COMMD10: variants seen among roughly 807,000 people sequenced by gnomAD.
COMMD10 encodes COMM domain containing 10.
In COMMD10, 33 loss-of-function variants were observed where a neutral mutation model predicts 28.9. The ratio of observed to expected loss-of-function variants is 1.14; its 90% CI spans 0.87 to 1.53. The LOEUF is 1.53. Ranked by LOEUF, COMMD10 falls within the 40% of genes most tolerant of loss-of-function variation. COMMD10 has a pLI of 0.00. For missense variants in COMMD10, 310 were observed against 233.4 expected (o/e 1.33, Z -2.14); for synonymous variants, 110 against 81.7 (o/e 1.35, Z -1.87).
At chr5:116,148,838 T>G (rs1216650828) in intron 5 of COMMD10, among the ~76,000 whole-genome samples, 1 of 151,704 alleles carries the variant, frequency 6.6e-6, no homozygotes, top group Non-Finnish European at 1.5e-5. Flanking sequence ...TTGTATTTGT[T>G]TTTTTGTATT....
intron 5 of COMMD10, among the ~76,000 whole-genome samples, chr5:116,168,950 G>T (rs949261450): frequency 3.9e-5 from 6 of 152,036 alleles, no homozygotes; most frequent in Admixed American, 3.9e-4. Flanking sequence ...AAATTCAAAA[G>T]CTAGCAGAAG....
At chr5:116,253,590 G>A (rs1322999416) in intron 5 of COMMD10, among the ~76,000 whole-genome samples, 3 of 137,994 alleles carry the variant, frequency 2.2e-5, no homozygotes, top group Non-Finnish European at 4.7e-5. Context: ...TTTATATGCT[G>A]GATTACATTT....
At chr5:116,269,652 C>T (rs545969852) in intron 5 of COMMD10, among the ~76,000 whole-genome samples, 1 of 151,718 alleles carries the variant, frequency 6.6e-6, no homozygotes, top group Non-Finnish European at 1.5e-5. Flanking sequence ...ACTGATTCAT[C>T]TCAAATATTT....
intron 5 of COMMD10, among the ~76,000 whole-genome samples, chr5:116,269,948 A>T (rs1177216008): frequency 1.3e-5 from 2 of 151,886 alleles, no homozygotes; most frequent in Non-Finnish European, 2.9e-5. Context: ...CCTCTGTCAC[A>T]AATTTGAAAG....
intron 5 of COMMD10, among the ~76,000 whole-genome samples, chr5:116,216,204 C>G (rs1749097156): frequency 6.6e-6 from 1 of 152,094 alleles, no homozygotes; most frequent in Non-Finnish European, 1.5e-5. Context: ...ATATTTTTAA[C>G]CATTACACAA....
At chr5:116,092,480 A>G (rs10478276) in intron 3 of COMMD10, 65 bp from the exon 4 acceptor site, 99,991 of 1,119,526 alleles carry the variant, frequency 0.089, 4,897 homozygotes, top group Admixed American at 0.16. Context: ...TTTTGTATTT[A>G]GTATAGTTTA....
At chr5:116,273,934 G>A (rs1303134707) in intron 5 of COMMD10, among the ~76,000 whole-genome samples, 5 of 151,554 alleles carry the variant, frequency 3.3e-5, no homozygotes, top group Admixed American at 1.3e-4. Flanking sequence ...TCTTAAAATT[G>A]CATTTATTTT....
chr5:116,263,559 G>A (rs1329440882), intron 5 of COMMD10, among the ~76,000 whole-genome samples: 1 of 151,560 alleles, frequency 6.6e-6, no homozygotes, highest in Non-Finnish European at 1.5e-5. Flanking sequence ...TTTTAGGTCC[G>A]ATAAGAAACA....
intron 5 of COMMD10, among the ~76,000 whole-genome samples, chr5:116,157,949 T>C (rs1260418221): frequency 1.3e-5 from 2 of 151,100 alleles, no homozygotes; most frequent in Admixed American, 1.3e-4. Context: ...CTTTTTTTTT[T>C]TTTTTAGTCA....
intron 5 of COMMD10, among the ~76,000 whole-genome samples, chr5:116,277,750 G>A (rs989844741): frequency 6.6e-6 from 1 of 151,814 alleles, no homozygotes; most frequent in Non-Finnish European, 1.5e-5. Context: ...GCACACATTG[G>A]TTCTCTTTTC....
At chr5:116,272,202 G>C (rs76887055) in intron 5 of COMMD10, among the ~76,000 whole-genome samples, 1 of 151,816 alleles carries the variant, frequency 6.6e-6, no homozygotes. Flanking sequence ...AGCCATGTCA[G>C]TGCAGTCTTT....
chr5:116,251,748 A>G (rs1580584021), intron 5 of COMMD10, among the ~76,000 whole-genome samples: 1 of 152,132 alleles, frequency 6.6e-6, no homozygotes, highest in African/African-American at 2.4e-5. Context: ...ATGCCACAAT[A>G]AACATACGTG....
At chr5:116,131,946 C>T (rs904952519) in intron 4 of COMMD10, among the ~76,000 whole-genome samples, 4 of 151,914 alleles carry the variant, frequency 2.6e-5, no homozygotes, top group African/African-American at 9.7e-5. Flanking sequence ...TGTTTTAGAA[C>T]GTAGGAGTGG....
At chr5:116,128,969 C>T (rs150473452) in intron 4 of COMMD10, among the ~76,000 whole-genome samples, 2 of 151,732 alleles carry the variant, frequency 1.3e-5, no homozygotes, top group Admixed American at 1.3e-4. Flanking sequence ...TAATTTTGAT[C>T]CCTTGGGTAA....
intron 2 of COMMD10, 127 bp downstream of exon 2, chr5:116,087,714 G>T: frequency 3.1e-6 from 2 of 641,242 alleles, no homozygotes; most frequent in Non-Finnish European, 5.6e-6. Flanking sequence ...TGGTTCTGTG[G>T]AAGATTTGGT....
chr5:116,287,768 T>C (rs1233765453), intron 5 of COMMD10, among the ~76,000 whole-genome samples: 1 of 151,766 alleles, frequency 6.6e-6, no homozygotes, highest in East Asian at 1.9e-4. Context: ...TGTAAATCCA[T>C]AAAACATCTC....
chr5:116,154,374 AG>A (rs1270260915), intron 5 of COMMD10, among the ~76,000 whole-genome samples: 1 of 152,160 alleles, frequency 6.6e-6, no homozygotes, highest in African/African-American at 2.4e-5. Context: ...TGATGTCAAA[AG>A]TTATAGCATA....
In COMMD10 at chr5:116,169,078, G is replaced by GA. The variant is rs569861652; in HGVS notation, c.510+34902dup. Among the ~76,000 whole-genome samples, 6 of 151,974 alleles carry GA rather than the reference G, an allele frequency of 3.9e-5. No individual in the cohort carries two copies. The East Asian group carries it at 1.2e-3, about 29-fold the overall frequency. ...AATCCAGGAGCTGTTTTTCTGAAAA[G>GA]AATTAACAAAATAGACCTCTAGCCA... On this transcript the variant is annotated intron_variant, in intron 5 of 6. Transcript: ENST00000274458.
At position 116,237,808 on chromosome 5, in the gene COMMD10, G is replaced by A. The variant is rs184646399; in HGVS notation, c.511-53709G>A. Among the ~76,000 whole-genome samples, 10 of 152,242 alleles carry A rather than the reference G, an allele frequency of 6.6e-5. No homozygotes were observed. In the East Asian group the frequency reaches 1.7e-3, roughly 26 times the overall value. The stretch of plus-strand genomic sequence containing the variant: ...GTATTTCTTGCAAGTTAGCAGTGGT[G>A]TTAAATCTTAAATCTCTGATCTGTA... On this transcript the variant is annotated intron_variant, in intron 5 of 6. Coordinates refer to ENST00000274458, the MANE Select transcript of COMMD10 (RefSeq NM_016144.4).
Sources: gnomAD v4.1 joint callset for allele counts (sites outside exome capture counted in the v4.1 genomes callset) on GRCh38, gnomAD v4.1.1 for gene constraint, MANE v1.5 for transcripts, NCBI Gene and HGNC (gene_info 2026-07-23, HGNC 2026-07-21) for gene names.